Variants in P2RX7 observed in about 807,000 individuals in gnomAD.
P2RX7 encodes P2X purinoceptor 7.
In P2RX7, 62 loss-of-function variants were observed where a neutral mutation model predicts 71.6. The ratio of observed to expected loss-of-function variants is 0.87; its 90% CI spans 0.71 to 1.07. The LOEUF is 1.07. P2RX7 is among the 50% of genes least tolerant of loss of function. The probability of loss-of-function intolerance (pLI) is 0.00; values close to 1 mark genes in which losing one functional copy is unlikely to be tolerated. For missense variants in P2RX7, 686 were observed against 748.5 expected (o/e 0.92, Z 0.97); for synonymous variants, 299 against 283.3 (o/e 1.06, Z -0.56).
chr12:121,141,801 G>A (rs1593004464), intron 1 of P2RX7, among the ~76,000 whole-genome samples: 1 of 152,172 alleles, frequency 6.6e-6, no homozygotes, highest in East Asian at 1.9e-4. Flanking sequence ...TGTGGGAGTG[G>A]GTGATCATGA....
chr12:121,166,659 T>C (rs1387219981), intron 7 of P2RX7, among the ~76,000 whole-genome samples: 1 of 152,096 alleles, frequency 6.6e-6, no homozygotes, highest in Non-Finnish European at 1.5e-5. Flanking sequence ...CAATCTCCCT[T>C]TGCCTCTGTC....
intron 3 of P2RX7, 38 bp from the exon 4 acceptor site, chr12:121,160,864 G>A (rs200703109): frequency 1.4e-5 from 21 of 1,469,492 alleles, no homozygotes; most frequent in African/African-American, 5.6e-5. Context: ...AGTAACACAC[G>A]TCACTTACTC....
At chr12:121,180,581 G>A (rs182202548) in intron 12 of P2RX7, 126 bp downstream of exon 12, 36 of 508,914 alleles carry the variant, frequency 7.1e-5, no homozygotes, top group Admixed American at 4.5e-4. Context: ...TCATATAACC[G>A]GCACTCAGAT....
At chr12:121,171,772 G>C (rs1024619520) in intron 8 of P2RX7, among the ~76,000 whole-genome samples, 9 of 151,856 alleles carry the variant, frequency 5.9e-5, no homozygotes, top group Non-Finnish European at 1.2e-4. Flanking sequence ...CAGACTCCTA[G>C]AAACATCTCA....
Position 121,149,038 on chromosome 12 carries a change from G to T in P2RX7, c.126-5747G>T. 1.7e-6 allele frequency: 1 copy of T among 575,388 alleles called. No homozygotes were observed. The highest frequency in any genetic ancestry group is 4.5e-5 in the East Asian group (1 of 22,178). 35.6% of individuals were successfully genotyped at this position (575,388 alleles called of 1,614,324 possible). A position where few individuals can be genotyped will look rare whatever the true frequency, so the allele number is the denominator to read the frequency against. On this transcript the variant is annotated intron_variant, in intron 1 of 12. Coordinates refer to ENST00000328963, the MANE Select transcript of P2RX7 (RefSeq NM_002562.6). This position sits in a 1 kb window ranked among gnomAD's most constrained non-coding sequence, Gnocchi z 4.7. The stretch of plus-strand genomic sequence containing the variant: ...AAGACGGAGAGGAACTTTGCTGAAA[G>T]GGAGGTCCTCCCTGCAGAGCTTGAA...
chr12:121,155,162 G>GT (rs1878309926), intron 2 of P2RX7: 2 of 1,500,272 alleles, frequency 1.3e-6, no homozygotes, highest in South Asian at 2.4e-5. Context: ...GTCCTACAGG[G>GT]TTTCTCAAAA....
chr12:121,156,377 TC>T (rs1280718298), intron 3 of P2RX7, among the ~76,000 whole-genome samples: 2 of 152,222 alleles, frequency 1.3e-5, no homozygotes, highest in Admixed American at 1.3e-4. Flanking sequence ...GGTCTCTGGT[TC>T]TAGCACTAGG....
intron 5 of P2RX7, 52 bp from the exon 6 acceptor site, chr12:121,165,305 C>T (rs1880772124): frequency 1.4e-6 from 2 of 1,436,830 alleles, no homozygotes; most frequent in Non-Finnish European, 2.0e-6. Flanking sequence ...GGCCCATGGG[C>T]TCCCTCGGTT....
intron 11 of P2RX7, among the ~76,000 whole-genome samples, chr12:121,180,027 T>A (rs1883854884): frequency 6.6e-6 from 1 of 151,362 alleles, no homozygotes; most frequent in African/African-American, 2.4e-5. Context: ...TGCATGCCTG[T>A]AATCCCAGCT....
At chr12:121,170,726 G>T (rs1882008556) in intron 8 of P2RX7, among the ~76,000 whole-genome samples, 1 of 152,040 alleles carries the variant, frequency 6.6e-6, no homozygotes, top group Non-Finnish European at 1.5e-5. Context: ...GTGAGCCGGG[G>T]TCATGCCACT....
intron 1 of P2RX7, among the ~76,000 whole-genome samples, chr12:121,143,952 C>T (rs1001314799): frequency 2.6e-5 from 4 of 152,130 alleles, no homozygotes; most frequent in African/African-American, 9.7e-5. Context: ...TAGTAAATTT[C>T]CCAAGTTGTG....
intron 4 of P2RX7, chr12:121,162,210 G>C (rs1879865901): frequency 1.5e-6 from 2 of 1,348,174 alleles, no homozygotes; most frequent in Non-Finnish European, 1.9e-6. Context: ...GTCTTTCTGT[G>C]TTCTCTCTGA....
chr12:121,162,343 A>G, intron 4 of P2RX7, 81 bp from the exon 5 acceptor site: 1 of 1,570,038 alleles, frequency 6.4e-7, no homozygotes, highest in Admixed American at 1.9e-5. Context: ...GCCCGGGTTG[A>G]GTTAATGATG....
intron 12 of P2RX7, among the ~76,000 whole-genome samples, chr12:121,181,331 A>G (rs969457273): frequency 6.6e-6 from 1 of 152,184 alleles, no homozygotes; most frequent in African/African-American, 2.4e-5. Context: ...GGTAGTGTCC[A>G]GTTTGGGGCT....
intron 8 of P2RX7, among the ~76,000 whole-genome samples, chr12:121,167,997 G>A (rs1197370986): frequency 2.0e-5 from 3 of 151,882 alleles, no homozygotes; most frequent in African/African-American, 4.8e-5. Context: ...TTGGGAAACA[G>A]AAAAGCATAG....
At position 121,165,341 on chromosome 12, in the gene P2RX7, C is replaced by T; in HGVS notation, c.534-16C>T. 3 of 1,610,834 alleles carry T rather than the reference C, an allele frequency of 1.9e-6. No homozygotes were observed. The highest frequency in any genetic ancestry group is 2.5e-6 in the Non-Finnish European group (3 of 1,177,132). ...CCCCCCGTCACTAATGGCCATTTTG[C>T]ATGTCTCTCTCCCAGGCCTGCTCTC... On this transcript the variant is annotated splice_polypyrimidine_tract_variant and intron_variant, in intron 5 of 12. Transcript: ENST00000328963.
intron 1 of P2RX7, among the ~76,000 whole-genome samples, chr12:121,136,023 A>AAAAAAAAAAAAAAAATATATATATAT: frequency 2.0e-4 from 3 of 15,260 alleles, no homozygotes; most frequent in Non-Finnish European, 5.5e-4. Context: ...AAAAAAAAAA[A>AAAAAAAAAAAAAAAATATATATATAT]ATATATATAT....
At chr12:121,179,496 G>C (rs1296280589) in intron 11 of P2RX7, among the ~76,000 whole-genome samples, 1 of 122,036 alleles carries the variant, frequency 8.2e-6, no homozygotes, top group African/African-American at 3.2e-5. Flanking sequence ...GCGAAACTCC[G>C]TCTCAAAAAA....
At chr12:121,146,856 GC>G (rs1876310497) in intron 1 of P2RX7, among the ~76,000 whole-genome samples, 1 of 152,180 alleles carries the variant, frequency 6.6e-6, no homozygotes, top group East Asian at 1.9e-4. Flanking sequence ...GGACAAGGAT[GC>G]CCGCTTTCAC....
Sources: gnomAD v4.1 joint callset for allele counts (sites outside exome capture counted in the v4.1 genomes callset) on GRCh38, gnomAD v4.1.1 for gene constraint, Gnocchi (gnomAD v3.1) non-coding constraint, MANE v1.5 for transcripts, NCBI Gene and HGNC (gene_info 2026-07-23, HGNC 2026-07-21) for gene names.